The following CLIP2 variants were observed in gnomAD, a reference collection of about 807,000 sequenced individuals.
The protein encoded by CLIP2 is CAP-Gly domain containing linker protein 2.
Under a neutral mutation model 111.7 loss-of-function variants are expected in CLIP2, and 41 were observed. That is an observed-to-expected ratio of 0.37 (90% CI 0.29 to 0.48). The LOEUF is 0.48. Ranked by LOEUF, CLIP2 falls within the 20% of genes least tolerant of loss-of-function variation. The probability of loss-of-function intolerance (pLI) is 0.99; values close to 1 mark genes in which losing one functional copy is unlikely to be tolerated. For missense variants in CLIP2, 1,160 were observed against 1,422.1 expected (o/e 0.82, Z 2.96); for synonymous variants, 660 against 644.2 (o/e 1.02, Z -0.37).
chr7:74,321,408 T>C (rs1418113111), intron 2 of CLIP2, among the ~76,000 whole-genome samples: 1 of 152,182 alleles, frequency 6.6e-6, no homozygotes, highest in Non-Finnish European at 1.5e-5. Flanking sequence ...ATTGCCGACA[T>C]TGGCAGTTCC....
At chr7:74,387,249 C>G (rs917156615) in intron 12 of CLIP2, among the ~76,000 whole-genome samples, 1 of 151,784 alleles carries the variant, frequency 6.6e-6, no homozygotes, top group African/African-American at 2.4e-5. Flanking sequence ...CTCTCTCTCT[C>G]TTTTTGCTTT....
At position 74,360,161 on chromosome 7, in the gene CLIP2, C is replaced by T; in HGVS notation, c.1216-14C>T. 6.3e-7 allele frequency: 1 copy of T among 1,586,754 alleles called. No individual in the cohort carries two copies. The highest frequency in any genetic ancestry group is 1.1e-5 in the South Asian group (1 of 87,082). ...AGCATGCTGACCCTGTCCTGGCCTT[C>T]CTTGGGGGCCCAGTATGTTGCAGAA... On this transcript the variant is annotated splice_polypyrimidine_tract_variant and intron_variant, in intron 6 of 16. Transcript: ENST00000223398.
intron 13 of CLIP2, among the ~76,000 whole-genome samples, chr7:74,392,752 A>C (rs997912330): frequency 5.9e-5 from 9 of 152,176 alleles, no homozygotes; most frequent in African/African-American, 2.2e-4. Context: ...TAGGAGGTGG[A>C]GGTTGCAGTG....
chr7:74,400,313 G>A (rs1184552828), intron 14 of CLIP2, 57 bp from the exon 15 acceptor site: 4 of 1,425,824 alleles, frequency 2.8e-6, no homozygotes, highest in Non-Finnish European at 3.8e-6. Flanking sequence ...GAGTTGAGAC[G>A]CCCACCAACA....
At chr7:74,343,518 C>T (rs1411184956) in intron 3 of CLIP2, among the ~76,000 whole-genome samples, 1 of 152,098 alleles carries the variant, frequency 6.6e-6, no homozygotes, top group Admixed American at 6.6e-5. Context: ...TTCATTCATT[C>T]ATTCTCCATG....
chr7:74,352,416 G>A (rs550263364), intron 3 of CLIP2, among the ~76,000 whole-genome samples: 11 of 151,382 alleles, frequency 7.3e-5, no homozygotes, highest in South Asian at 2.1e-4. Flanking sequence ...CAGCCTGGGC[G>A]ACAGAGTGAG....
At chr7:74,374,738 AAAAAC>A (rs1209384936) in intron 9 of CLIP2, among the ~76,000 whole-genome samples, 1 of 152,198 alleles carries the variant, frequency 6.6e-6, no homozygotes, top group Non-Finnish European at 1.5e-5. Flanking sequence ...ACAAAAACCA[AAAAAC>A]AAAACAATAA....
At chr7:74,372,842 TTC>T (rs1224396993) in intron 8 of CLIP2, 88 bp from the exon 9 acceptor site, 51 of 622,922 alleles carry the variant, frequency 8.2e-5, no homozygotes, top group South Asian at 1.3e-4. Flanking sequence ...CTCTCTCTCT[TTC>T]TCTCTCTCTC....
At chr7:74,337,897 G>A (rs949013567) in intron 2 of CLIP2, among the ~76,000 whole-genome samples, 3 of 152,084 alleles carry the variant, frequency 2.0e-5, no homozygotes, top group African/African-American at 7.2e-5. Context: ...TGCCCGGCCT[G>A]GAAACATTGC....
chr7:74,386,538 A>T lies in CLIP2; in HGVS notation c.2497A>T (p.Asn833Tyr). The T allele has an allele frequency of 6.2e-7, 1 of 1,611,622 alleles. No individual in the cohort carries two copies. Among genetic ancestry groups the T allele is most frequent in the Non-Finnish European group, 8.5e-7 (1 of 1,178,900 alleles). ...ETVEGLQDKLNKRDKEVTALT... is the reference protein window; with the variant it reads ...ETVEGLQDKLYKRDKEVTALT... ...TCCCCTAGGCCTGCAGGACAAGCTG[A>T]ACAAGAGGGACAAAGAGGTGACAGC... The change falls in exon 12 of 17, where the codon AAC becomes TAC. Residue 833 changes from asparagine to tyrosine, a missense_variant. Physicochemically the swap from Asn to Tyr is moderately radical, Grantham distance 143 (BLOSUM62 -2). This residue lies in a region of CLIP2 where 676 missense variants were observed against 777.8 expected (regional missense o/e 0.87). Coordinates refer to ENST00000223398, the MANE Select transcript of CLIP2 (RefSeq NM_003388.5).
chr7:74,320,990 C>T (rs918655143), intron 2 of CLIP2, among the ~76,000 whole-genome samples: 1 of 152,028 alleles, frequency 6.6e-6, no homozygotes, highest in African/African-American at 2.4e-5. Context: ...GGTACTTTCC[C>T]CTTTGTTCCT....
intron 4 of CLIP2, among the ~76,000 whole-genome samples, chr7:74,355,584 TG>T (rs1464739746): frequency 6.6e-6 from 1 of 152,022 alleles, no homozygotes; most frequent in Non-Finnish European, 1.5e-5. Flanking sequence ...CACTCCAGCC[TG>T]GGTAACAGAG....
At chr7:74,379,653 A>G (rs1229272356) in intron 10 of CLIP2, among the ~76,000 whole-genome samples, 1 of 151,652 alleles carries the variant, frequency 6.6e-6, no homozygotes, top group Non-Finnish European at 1.5e-5. Context: ...AGTCCCAGCT[A>G]CTCGGGAGGC....
rs200915560 is a variant in CLIP2 at position 74,376,340 on chromosome 7, G to A, written c.1939G>A (p.Gly647Ser). ...CCCAGGCGCCCAGCAGAAGGAGATC[G>A]GCGAGCTGAAGGCAGTGATGGAGGG... Reference protein sequence around the residue: ...SGPGAQQKEIGELKAVMEGIK... With the variant: ...SGPGAQQKEISELKAVMEGIK... Residue 647 changes from glycine to serine, a missense_variant, in exon 10 of 17, where the codon GGC becomes AGC. Gly to Ser is a moderately conservative substitution (Grantham distance 56). Around this residue, in one of 5 missense-constraint regions of CLIP2, gnomAD observed 676 missense variants for 777.8 expected, o/e 0.87. Coordinates refer to ENST00000223398, the MANE Select transcript of CLIP2 (RefSeq NM_003388.5). This position sits in a 1 kb window ranked among gnomAD's most constrained non-coding sequence, Gnocchi z 7.1. 103 of 1,613,956 alleles carry A rather than the reference G, an allele frequency of 6.4e-5. No homozygotes were observed. In the South Asian group the frequency reaches 1.0e-3, roughly 16 times the overall value.
At chr7:74,297,496 C>T (rs888980971) in intron 1 of CLIP2, among the ~76,000 whole-genome samples, 3 of 151,902 alleles carry the variant, frequency 2.0e-5, no homozygotes, top group African/African-American at 7.2e-5. Flanking sequence ...CCCAAAAAAC[C>T]GAATAAGAAA....
chr7:74,343,768 C>T (rs1406149470), intron 3 of CLIP2, among the ~76,000 whole-genome samples: 4 of 149,050 alleles, frequency 2.7e-5, no homozygotes, highest in East Asian at 3.9e-4. Context: ...CCGGGCATGG[C>T]GGTGCATGCC....
chr7:74,378,813 G>A (rs953260627), intron 10 of CLIP2, among the ~76,000 whole-genome samples: 1 of 152,164 alleles, frequency 6.6e-6, no homozygotes, highest in African/African-American at 2.4e-5. Flanking sequence ...AATGAATCCA[G>A]GGGGCTTTTT....
At chr7:74,401,230 C>G (rs1791610381) in intron 15 of CLIP2, among the ~76,000 whole-genome samples, 1 of 152,204 alleles carries the variant, frequency 6.6e-6, no homozygotes, top group Non-Finnish European at 1.5e-5. Flanking sequence ...GGAGGCAGCT[C>G]TGTCCTGGGA....
Position 74,403,879 on chromosome 7 carries a change from C to A in CLIP2, c.*31C>A, listed in dbSNP as rs1554318132. 6.2e-7 allele frequency: 1 copy of A among 1,612,424 alleles called. No homozygotes were observed. Among genetic ancestry groups the A allele is most frequent in the South Asian group, 1.1e-5 (1 of 91,062 alleles). On this transcript the variant is annotated 3_prime_UTR_variant, in exon 17 of 17. Transcript: ENST00000223398. ...AGGGGATACTGTGGAGCAGCCCAGT[C>A]CACACCAGAGCCCCACGCGGCTGCC...
Sources: allele counts gnomAD v4.1 joint callset (sites outside exome capture counted in the v4.1 genomes callset), GRCh38; gene constraint gnomAD v4.1.1; regional missense constraint gnomAD v4.1.1; non-coding constraint Gnocchi (gnomAD v3.1); transcripts MANE v1.5; gene names NCBI Gene and HGNC (gene_info 2026-07-23, HGNC 2026-07-21).